Variants in ARHGEF28 observed in about 807,000 individuals in gnomAD.
ARHGEF28 encodes Rho guanine nucleotide exchange factor 28.
Under a neutral mutation model 206.6 loss-of-function variants are expected in ARHGEF28, and 152 were observed. That is an observed-to-expected ratio of 0.74 (90% confidence interval 0.64 to 0.84). The LOEUF (loss-of-function observed/expected upper bound fraction) is 0.84, where lower values mean the gene tolerates loss of function less well. Ranked by LOEUF, ARHGEF28 falls within the 40% of genes least tolerant of loss-of-function variation. The pLI is 0.00. For synonymous variants in ARHGEF28, 763 were observed against 776.4 expected (o/e 0.98, Z 0.29); for missense variants, 2,028 against 2,073.2 (o/e 0.98, Z 0.42).
At chr5:73,784,157 A>G (rs951347147) in intron 7 of ARHGEF28, among the ~76,000 whole-genome samples, 6 of 151,954 alleles carry the variant, frequency 3.9e-5, no homozygotes, top group African/African-American at 1.4e-4. Flanking sequence ...CCCTAAAGCA[A>G]ACTTCCTCTT....
chr5:73,854,362 C>G (rs1758887273), intron 14 of ARHGEF28, among the ~76,000 whole-genome samples: 1 of 152,166 alleles, frequency 6.6e-6, no homozygotes. Context: ...AGCAGACACT[C>G]TGTTCTAATT....
chr5:73,761,319 A>G (rs1265976765), intron 4 of ARHGEF28, among the ~76,000 whole-genome samples: 1 of 152,216 alleles, frequency 6.6e-6, no homozygotes, highest in Non-Finnish European at 1.5e-5. Context: ...GAATGCTGGC[A>G]GTTGTCCTTG....
chr5:73,926,271 T>C (rs182653887), intron 35 of ARHGEF28, among the ~76,000 whole-genome samples: 1 of 152,304 alleles, frequency 6.6e-6, no homozygotes, highest in East Asian at 1.9e-4. Context: ...TGTGGGCTGA[T>C]TATAGGCAGG....
chr5:73,817,274 AATTGCCAAAGAAGGC>A (rs1756279354), intron 9 of ARHGEF28, among the ~76,000 whole-genome samples: 1 of 152,234 alleles, frequency 6.6e-6, no homozygotes, highest in Non-Finnish European at 1.5e-5. Context: ...ACCAGGCTAC[AATTGCCAAAGAAGGC>A]AATGCATACC....
intron 2 of ARHGEF28, among the ~76,000 whole-genome samples, chr5:73,703,664 TG>T (rs1748735291): frequency 1.3e-5 from 2 of 149,356 alleles, no homozygotes; most frequent in Non-Finnish European, 3.0e-5. Flanking sequence ...TGTGTGTGTG[TG>T]TGTGTGTGTT....
At chr5:73,737,084 A>G (rs1580545072) in intron 2 of ARHGEF28, among the ~76,000 whole-genome samples, 1 of 151,542 alleles carries the variant, frequency 6.6e-6, no homozygotes, top group Non-Finnish European at 1.5e-5. Context: ...AAACCTCCCC[A>G]CCCCCACTTT....
intron 1 of ARHGEF28, among the ~76,000 whole-genome samples, chr5:73,639,857 G>T: frequency 6.6e-6 from 1 of 152,030 alleles, no homozygotes; most frequent in East Asian, 1.9e-4. Flanking sequence ...TCACATTTGT[G>T]CTTTTTCATT....
chr5:73,858,210 C>A lies in ARHGEF28; in HGVS notation c.2038C>A (p.Gln680Lys). The change falls in exon 16 of 36, where the codon CAG (glutamine) becomes AAG (lysine). Residue 680 changes from glutamine to lysine, a missense_variant. Around this residue, in one of 3 missense-constraint regions of ARHGEF28, gnomAD observed 1,002 missense variants for 1,015.3 expected, o/e 0.99. Transcript: ENST00000513042. Reference sequence around the variant, plus strand: ...AACACTCCTGGGGAAAGAGTCACTGCAGTGTTCTAGTAAGTTCTCAGGTCT... The same window carrying A: ...AACACTCCTGGGGAAAGAGTCACTGAAGTGTTCTAGTAAGTTCTCAGGTCT... ...DKTLLGKESL[Q>K]CSNCNANVHK... is the part of the protein sequence containing the mutation. The A allele has an allele frequency of 6.3e-7, 1 of 1,596,134 alleles. No individual in the cohort carries two copies. Among genetic ancestry groups the A allele is most frequent in the Non-Finnish European group, 8.5e-7 (1 of 1,174,460 alleles).
chr5:73,924,581 G>A (rs2111988097), intron 35 of ARHGEF28, among the ~76,000 whole-genome samples: 1 of 152,244 alleles, frequency 6.6e-6, no homozygotes, highest in Non-Finnish European at 1.5e-5. Context: ...CGAGCCACTG[G>A]GCTGCTTCTA....
intron 9 of ARHGEF28, among the ~76,000 whole-genome samples, chr5:73,829,276 C>A (rs532276988): frequency 1.3e-5 from 2 of 152,308 alleles, no homozygotes; most frequent in South Asian, 4.1e-4. Flanking sequence ...CAGTGTGGTA[C>A]CCTTGCATCT....
chr5:73,778,367 A>G (rs1753653583), intron 6 of ARHGEF28: 1 of 152,248 alleles, frequency 6.6e-6, no homozygotes, highest in African/African-American at 2.4e-5. Context: ...ATTTGAGATA[A>G]TACTGATGAC....
At chr5:73,767,612 G>A (rs1483899988) in intron 4 of ARHGEF28, among the ~76,000 whole-genome samples, 2 of 152,120 alleles carry the variant, frequency 1.3e-5, no homozygotes, top group African/African-American at 2.4e-5. Context: ...TTTCTAAGCA[G>A]CAAAGCCTTC....
intron 3 of ARHGEF28, 118 bp downstream of exon 3, chr5:73,750,102 G>C (rs900618560): frequency 8.5e-7 from 1 of 1,178,682 alleles, no homozygotes; most frequent in African/African-American, 1.5e-5. Flanking sequence ...AAGGTCAGGA[G>C]TGTGTGCGTG....
At chr5:73,821,723 T>C (rs1006449227) in intron 9 of ARHGEF28, among the ~76,000 whole-genome samples, 4 of 152,172 alleles carry the variant, frequency 2.6e-5, no homozygotes, top group Admixed American at 2.0e-4. Context: ...TGTGGACTAA[T>C]TTGCTTTAGG....
At chr5:73,819,562 C>T (rs916678294) in intron 9 of ARHGEF28, among the ~76,000 whole-genome samples, 10 of 152,116 alleles carry the variant, frequency 6.6e-5, no homozygotes, top group African/African-American at 2.2e-4. Flanking sequence ...GGTGGCAATG[C>T]TGGATAGATT....
At chr5:73,912,565 A>G (rs1246500262) in intron 35 of ARHGEF28, among the ~76,000 whole-genome samples, 6 of 152,234 alleles carry the variant, frequency 3.9e-5, no homozygotes, top group African/African-American at 1.4e-4. Context: ...AAAGATGTTG[A>G]TTCTTAATAG....
intron 33 of ARHGEF28, among the ~76,000 whole-genome samples, chr5:73,906,330 C>T (rs1394245547): frequency 1.3e-5 from 2 of 152,152 alleles, no homozygotes; most frequent in Non-Finnish European, 2.9e-5. Flanking sequence ...CCTCTGTCTC[C>T]CAGGCTGAAG....
rs949698043 is a variant in ARHGEF28 at position 73,794,568 on chromosome 5, C to G, written c.963+114C>G. 8 of 851,910 alleles carry G rather than the reference C, an allele frequency of 9.4e-6. No individual in the cohort carries two copies. The African/African-American group carries it at 1.4e-4, about 15-fold the overall frequency. The allele number at this position is 851,910 out of a possible 1,614,324, so 52.8% of individuals were successfully genotyped here. ...ACTAAAAAAAGGATGTGCCCCAAGT[C>G]ACTTTCAGAATAATGTGAAATTCTG... On this transcript the variant is annotated intron_variant, in intron 8 of 35. Transcript: ENST00000513042.
At chr5:73,897,766 T>G (rs1172605922) in intron 29 of ARHGEF28, among the ~76,000 whole-genome samples, 196 bp from the exon 30 acceptor site, 1 of 151,906 alleles carries the variant, frequency 6.6e-6, no homozygotes, top group East Asian at 1.9e-4. Context: ...GTCTCTGGGG[T>G]GTGTGTGTGT....
Sources: gnomAD v4.1 joint callset for allele counts (sites outside exome capture counted in the v4.1 genomes callset) on GRCh38, gnomAD v4.1.1 for gene constraint, gnomAD v4.1.1 regional missense constraint, MANE v1.5 for transcripts, NCBI Gene and HGNC (gene_info 2026-07-23, HGNC 2026-07-21) for gene names.